The following TBC1D1 variants were observed in gnomAD, a reference collection of about 807,000 sequenced individuals.
The protein encoded by TBC1D1 is TBC1 domain family member 1.
In TBC1D1, 89 loss-of-function variants were observed where a neutral mutation model predicts 125.6. The ratio of observed to expected loss-of-function variants is 0.71; its 90% CI spans 0.60 to 0.85. The LOEUF (loss-of-function observed/expected upper bound fraction) is 0.85, where lower values mean the gene tolerates loss of function less well. Ranked by LOEUF, TBC1D1 falls within the 40% of genes least tolerant of loss-of-function variation. TBC1D1 has a pLI of 0.00. For synonymous variants in TBC1D1, 565 were observed against 564.1 expected (o/e 1.00, Z -0.02); for missense variants, 1,377 against 1,469.2 (o/e 0.94, Z 1.03).
chr4:37,944,206 A>T (rs1414808259), intron 2 of TBC1D1, among the ~76,000 whole-genome samples: 1 of 152,200 alleles, frequency 6.6e-6, no homozygotes, highest in Non-Finnish European at 1.5e-5. Context: ...GCTTCGTCTC[A>T]GAGGGGTACC....
In TBC1D1 at chr4:38,014,769, G is replaced by T. The variant is rs1346166989; in HGVS notation, c.678G>T (p.Glu226Asp). 6 of 1,607,976 alleles carry T rather than the reference G, an allele frequency of 3.7e-6. No homozygotes were observed. Among genetic ancestry groups the T allele is most frequent in the Non-Finnish European group, 5.1e-6 (6 of 1,177,488 alleles). ...ATGCCGCGCCCACAGGGAGCCAGGA[G>T]CCTGTGCGCAGGCCCATGCGCAAGT... Residue 226 changes from glutamate (E) to aspartate (D), a missense_variant, in exon 3 of 20, where the codon GAG becomes GAT. Physicochemically the swap from Glu to Asp is conservative, Grantham distance 45. This residue lies in a region of TBC1D1 where 822 missense variants were observed against 824.6 expected (regional missense o/e 1.00). Coordinates refer to ENST00000261439, the MANE Select transcript of TBC1D1 (RefSeq NM_015173.4). This position sits in a 1 kb window ranked among gnomAD's most constrained non-coding sequence, Gnocchi z 5.1.
intron 13 of TBC1D1, among the ~76,000 whole-genome samples, chr4:38,090,975 A>G (rs1159640271): frequency 1.3e-5 from 2 of 152,236 alleles, no homozygotes; most frequent in African/African-American, 4.8e-5. Context: ...AAAAGTCATT[A>G]AGACACCAAC....
At chr4:38,020,909 T>C (rs2152435601) in intron 5 of TBC1D1, 1 of 397,910 alleles carries the variant, frequency 2.5e-6, no homozygotes. Context: ...AGAACTTGTT[T>C]AGTGTCACCT....
intron 12 of TBC1D1, among the ~76,000 whole-genome samples, chr4:38,073,127 C>A (rs1045437133): frequency 1.3e-5 from 2 of 152,182 alleles, no homozygotes; most frequent in Non-Finnish European, 2.9e-5. Flanking sequence ...TCAGTTCTTT[C>A]GGATATGTAC....
intron 14 of TBC1D1, among the ~76,000 whole-genome samples, chr4:38,102,602 A>C (rs1258610557): frequency 6.6e-6 from 1 of 152,112 alleles, no homozygotes; most frequent in African/African-American, 2.4e-5. Flanking sequence ...ACCAGTGGCC[A>C]GGCATGATGG....
At chr4:38,030,759 A>G (rs1002244488) in intron 7 of TBC1D1, among the ~76,000 whole-genome samples, 1 of 152,228 alleles carries the variant, frequency 6.6e-6, no homozygotes, top group Non-Finnish European at 1.5e-5. Flanking sequence ...TTGTTTCGGA[A>G]AAAGTCCTCT....
At chr4:38,127,476 C>G (rs1333429502) in intron 18 of TBC1D1, among the ~76,000 whole-genome samples, 1 of 149,488 alleles carries the variant, frequency 6.7e-6, no homozygotes. Context: ...CCTCCACCTT[C>G]TGGGCTCAAG....
rs941158987 is a variant in TBC1D1, at chr4:37,950,318, A to T, written c.417+47806A>T. On this transcript the variant is annotated intron_variant, in intron 2 of 19. Coordinates refer to ENST00000261439, the MANE Select transcript of TBC1D1 (RefSeq NM_015173.4). Reference sequence around the variant, plus strand: ...TGAAAAAAGTTGTTAGGAGGATTTTATGTGTTAATTTGTGTAAAACAGAAG... The same window carrying T: ...TGAAAAAAGTTGTTAGGAGGATTTTTTGTGTTAATTTGTGTAAAACAGAAG... 1.3e-4 allele frequency among the ~76,000 whole-genome samples: 20 copies of T among 152,072 alleles called. 1 individual carries two copies. The highest frequency in any genetic ancestry group is 3.6e-4 in the African/African-American group (15 of 41,396).
In TBC1D1 at chr4:38,044,405, C is replaced by T; in HGVS notation, c.1457C>T (p.Pro486Leu). ...GAGAATATTGGAAGTGAATTACCAC[C>T]CAGTGCCACTCGATTTAGGCTAGAT... Residue 486 changes from proline (P) to leucine (L), a missense_variant, in exon 9 of 20, where the codon CCC becomes CTC. Pro to Leu is a moderately conservative substitution (Grantham distance 98, BLOSUM62 -3). Around this residue, in one of 3 missense-constraint regions of TBC1D1, gnomAD observed 822 missense variants for 824.6 expected, o/e 1.00. Transcript: ENST00000261439. 6.2e-7 allele frequency: 1 copy of T among 1,613,038 alleles called. No individual in the cohort carries two copies. The highest frequency in any genetic ancestry group is 1.3e-5 in the African/African-American group (1 of 74,982).
chr4:38,101,987 G>A (rs777281421), intron 14 of TBC1D1, among the ~76,000 whole-genome samples: 6 of 150,940 alleles, frequency 4.0e-5, no homozygotes, highest in Admixed American at 1.3e-4. Context: ...GCAAACTGTC[G>A]CAAGGACAGA....
chr4:37,975,195 G>A (rs1295882342), intron 2 of TBC1D1, among the ~76,000 whole-genome samples: 4 of 152,228 alleles, frequency 2.6e-5, no homozygotes, highest in South Asian at 4.1e-4. Context: ...CATGGGTCAC[G>A]TGTCCACTGG....
At chr4:38,102,588 T>A (rs1448621796) in intron 14 of TBC1D1, among the ~76,000 whole-genome samples, 1 of 152,010 alleles carries the variant, frequency 6.6e-6, no homozygotes, top group Non-Finnish European at 1.5e-5. Context: ...TAATTAATAA[T>A]GGAACCAGTG....
At chr4:37,920,327 A>G (rs1720687445) in intron 2 of TBC1D1, among the ~76,000 whole-genome samples, 1 of 152,150 alleles carries the variant, frequency 6.6e-6, no homozygotes, top group Non-Finnish European at 1.5e-5. Context: ...TGTGCAGGCC[A>G]CTAGGTGAGC....
At chr4:38,003,483 G>T (rs1739462598) in intron 2 of TBC1D1, among the ~76,000 whole-genome samples, 1 of 152,196 alleles carries the variant, frequency 6.6e-6, no homozygotes, top group Admixed American at 6.5e-5. Flanking sequence ...TCTATTGCCT[G>T]CTGATATTGT....
At chr4:38,005,027 GTTC>G (rs78886033) in intron 2 of TBC1D1, among the ~76,000 whole-genome samples, 14,434 of 152,112 alleles carry the variant, frequency 0.095, 809 homozygotes, top group Middle Eastern at 0.19. Context: ...AGAGCAAAGT[GTTC>G]TTCTCCTTCC....
chr4:38,035,719 G>A (rs759593605), intron 8 of TBC1D1, 21 bp downstream of exon 8: 2 of 1,566,078 alleles, frequency 1.3e-6, no homozygotes, highest in African/African-American at 1.4e-5. Context: ...TTTGTCTCTT[G>A]TAATTGTTGC....
At chr4:38,020,510 C>A in intron 4 of TBC1D1, 81 bp from the exon 5 acceptor site, 1 of 1,057,892 alleles carries the variant, frequency 9.5e-7, no homozygotes, top group Non-Finnish European at 1.4e-6. Context: ...ATAAATTGTG[C>A]TGTATAAATC....
At chr4:37,928,922 G>A (rs546198871) in intron 2 of TBC1D1, among the ~76,000 whole-genome samples, 18 of 152,212 alleles carry the variant, frequency 1.2e-4, no homozygotes, top group African/African-American at 2.2e-4. Context: ...CAAAATTCTC[G>A]GCAGTGCTGA....
rs1394122270 is a variant in TBC1D1 at position 38,137,554 on chromosome 4, C to G, written c.*219C>G. The G allele has an allele frequency of 1.9e-6, 1 of 525,812 alleles. No individual in the cohort carries two copies. Among genetic ancestry groups the G allele is most frequent in the Non-Finnish European group, 3.0e-6 (1 of 330,094 alleles). The allele number at this position is 525,812 out of a possible 1,614,324, so 32.6% of individuals were successfully genotyped here. On this transcript the variant is annotated 3_prime_UTR_variant, in exon 20 of 20. Coordinates refer to ENST00000261439, the MANE Select transcript of TBC1D1 (RefSeq NM_015173.4). Reference sequence around the variant, plus strand: ...TTTAGATACTAAATCGTCCCTTCTCCAGTCCTGATTACTGTACACAGTAGC... The same window carrying G: ...TTTAGATACTAAATCGTCCCTTCTCGAGTCCTGATTACTGTACACAGTAGC...
Sources: gnomAD v4.1 joint callset for allele counts (sites outside exome capture counted in the v4.1 genomes callset) on GRCh38, gnomAD v4.1.1 for gene constraint, gnomAD v4.1.1 regional missense constraint, Gnocchi (gnomAD v3.1) non-coding constraint, MANE v1.5 for transcripts, NCBI Gene and HGNC (gene_info 2026-07-23, HGNC 2026-07-21) for gene names.